Variants in GALNT14 observed in about 807,000 individuals in gnomAD.
The protein encoded by GALNT14 is UDP-GalNAc:polypeptide N-acetylgalactosaminyltransferase 14.
In GALNT14, 60 loss-of-function variants were observed where a neutral mutation model predicts 77.5. The ratio of observed to expected loss-of-function variants is 0.77; its 90% CI spans 0.63 to 0.96. The LOEUF is 0.96. Among genes scored for constraint, GALNT14 ranks in the 40% least tolerant of loss-of-function variants. The pLI is 0.00. For synonymous variants in GALNT14, 280 were observed against 281.7 expected (o/e 0.99, Z 0.06); for missense variants, 710 against 731.0 (o/e 0.97, Z 0.33).
At chr2:31,128,867 C>T (rs1013427026) in intron 1 of GALNT14, among the ~76,000 whole-genome samples, 8 of 152,116 alleles carry the variant, frequency 5.3e-5, no homozygotes, top group Admixed American at 2.6e-4. Context: ...TAGAAGAAAA[C>T]CCAAAGTCCT....
chr2:31,015,476 G>A lies in GALNT14; in HGVS notation c.130-22469C>T, dbSNP rs112605016. ...ATCTGCCTCCATCTATACTAAAATC[G>A]ATGGGCTAACAGTTGAGATGAATCA... On this transcript the variant is annotated intron_variant, in intron 1 of 14. Coordinates refer to ENST00000349752, the MANE Select transcript of GALNT14 (RefSeq NM_024572.4). Among the ~76,000 whole-genome samples the A allele has an allele frequency of 7.3e-3, 1,105 of 152,132 alleles. 5 individuals carry two copies. Among genetic ancestry groups the A allele is most frequent in the Non-Finnish European group, 0.012 (828 of 67,992 alleles).
chr2:30,977,883 C>G (rs541437605), intron 2 of GALNT14, among the ~76,000 whole-genome samples: 1 of 152,208 alleles, frequency 6.6e-6, no homozygotes, highest in African/African-American at 2.4e-5. Flanking sequence ...GATCTACACC[C>G]CTGGTTTGCC....
intron 13 of GALNT14, among the ~76,000 whole-genome samples, chr2:30,915,685 G>T (rs1482045456): frequency 7.9e-5 from 12 of 152,192 alleles, no homozygotes; most frequent in Non-Finnish European, 1.3e-4. Flanking sequence ...GCTGAGTGCT[G>T]GGCCCTCTGC....
chr2:31,039,980 C>T (rs1673003400), intron 1 of GALNT14, among the ~76,000 whole-genome samples: 2 of 152,150 alleles, frequency 1.3e-5, no homozygotes, highest in African/African-American at 2.4e-5. Flanking sequence ...CCACATCTCC[C>T]TTTTCACTTT....
chr2:30,891,266 T>C, the GALNT14 span, among the ~76,000 whole-genome samples: 1 of 152,300 alleles, frequency 6.6e-6, no homozygotes, highest in Non-Finnish European at 1.5e-5. Context: ...GAGATTCAGA[T>C]GCACTGTCAG....
intron 6 of GALNT14, among the ~76,000 whole-genome samples, chr2:30,954,854 G>A (rs1317840146): frequency 6.6e-6 from 1 of 152,170 alleles, no homozygotes; most frequent in East Asian, 1.9e-4. Context: ...CTTTAGTGAA[G>A]TGGGTATATT....
intron 1 of GALNT14, among the ~76,000 whole-genome samples, chr2:31,041,102 C>A (rs1449783804): frequency 6.6e-6 from 1 of 152,092 alleles, no homozygotes; most frequent in African/African-American, 2.4e-5. Context: ...CAGTGCAGCA[C>A]GTGTCAATAA....
intron 1 of GALNT14, among the ~76,000 whole-genome samples, chr2:31,130,539 C>T (rs1186513250): frequency 6.6e-6 from 1 of 152,198 alleles, no homozygotes; most frequent in Non-Finnish European, 1.5e-5. Context: ...GCACACACCT[C>T]CCACACCACA....
intron 3 of GALNT14, among the ~76,000 whole-genome samples, chr2:30,960,122 G>C (rs1667595760): frequency 6.6e-6 from 1 of 152,164 alleles, no homozygotes; most frequent in South Asian, 2.1e-4. Context: ...AAAGTCGTGA[G>C]CTCACTGTCT....
intron 1 of GALNT14, among the ~76,000 whole-genome samples, chr2:31,029,634 G>A (rs748604048): frequency 6.6e-6 from 1 of 152,030 alleles, no homozygotes; most frequent in African/African-American, 2.4e-5. Flanking sequence ...CCCTTCCCCG[G>A]TCTAGGACAT....
chr2:30,945,967 G>A, intron 6 of GALNT14, 97 bp from the exon 7 acceptor site: 1 of 948,024 alleles, frequency 1.1e-6, no homozygotes, highest in Non-Finnish European at 1.7e-6. Flanking sequence ...CCAGAGATGA[G>A]TTTTGTGGCC....
At chr2:31,098,930 G>C (rs928603642) in intron 1 of GALNT14, among the ~76,000 whole-genome samples, 1 of 152,056 alleles carries the variant, frequency 6.6e-6, no homozygotes. Flanking sequence ...CATCCTCATC[G>C]TCACATACAG....
intron 1 of GALNT14, among the ~76,000 whole-genome samples, chr2:31,093,550 A>C (rs2365199): frequency 0.59 from 90,048 of 151,608 alleles, 27,832 homozygotes; most frequent in African/African-American, 0.76. Context: ...CCTGGGACTA[A>C]ACATCCACAG....
Position 30,984,222 on chromosome 2 carries a change from C to G in GALNT14, c.299+8616G>C, listed in dbSNP as rs1425762401. 2.6e-5 allele frequency among the ~76,000 whole-genome samples: 4 copies of G among 152,212 alleles called. No homozygotes were observed. In the East Asian group the frequency reaches 7.7e-4, roughly 29 times the overall value. On this transcript the variant is annotated intron_variant, in intron 2 of 14. Coordinates refer to ENST00000349752, the MANE Select transcript of GALNT14 (RefSeq NM_024572.4). ...CCAGTGGAAGATCCAATGTCCCCAC[C>G]CTGAGGATGAAAATGCTTTCAGGCC...
At chr2:31,030,772 C>T (rs909924716) in intron 1 of GALNT14, among the ~76,000 whole-genome samples, 4 of 152,146 alleles carry the variant, frequency 2.6e-5, no homozygotes, top group Admixed American at 6.5e-5. Flanking sequence ...AGGCTTCCAG[C>T]CCCTGGAATA....
chr2:31,053,066 T>C (rs17010623), intron 1 of GALNT14, among the ~76,000 whole-genome samples: 5,264 of 152,108 alleles, frequency 0.035, 303 homozygotes, highest in African/African-American at 0.12. Context: ...GTTTAACCAG[T>C]TCTGGCCCCA....
intron 13 of GALNT14, among the ~76,000 whole-genome samples, chr2:30,923,708 T>C (rs1665179652): frequency 1.3e-5 from 2 of 152,154 alleles, no homozygotes; most frequent in South Asian, 4.2e-4. Flanking sequence ...AGGCATTCCG[T>C]CCTGTCCCAG....
intron 1 of GALNT14, among the ~76,000 whole-genome samples, chr2:31,115,608 A>T (rs1678066494): frequency 6.6e-6 from 1 of 152,252 alleles, no homozygotes; most frequent in Admixed American, 6.5e-5. Context: ...TGCAAAGAAA[A>T]TCTGAACATT....
At chr2:31,079,186 G>A (rs890617636) in intron 1 of GALNT14, 1 of 555,122 alleles carries the variant, frequency 1.8e-6, no homozygotes, top group Non-Finnish European at 2.7e-6. Context: ...CAGTGTGGAA[G>A]TTGGCTGGAC....
Sources: gnomAD v4.1 joint callset for allele counts (sites outside exome capture counted in the v4.1 genomes callset) on GRCh38, gnomAD v4.1.1 for gene constraint, MANE v1.5 for transcripts, NCBI Gene and HGNC (gene_info 2026-07-23, HGNC 2026-07-21) for gene names.